IL21R: variants seen among roughly 807,000 people sequenced by gnomAD.
The protein encoded by IL21R is interleukin-21 receptor.
IL21R carries 14 observed loss-of-function variants against 41.3 expected under a neutral mutation model. The observed-to-expected ratio is 0.34, with a 90% CI of 0.22 to 0.53. IL21R has a LOEUF of 0.53. Ranked by LOEUF, IL21R falls within the 20% of genes least tolerant of loss-of-function variation. IL21R has a pLI of 0.94. For synonymous variants in IL21R, 286 were observed against 287.6 expected (o/e 0.99, Z 0.05); for missense variants, 588 against 681.6 (o/e 0.86, Z 1.53).
intron 1 of IL21R, among the ~76,000 whole-genome samples, chr16:27,410,457 A>G (rs962392321): frequency 6.6e-6 from 1 of 152,220 alleles, no homozygotes; most frequent in Non-Finnish European, 1.5e-5. Flanking sequence ...CAGAAATATA[A>G]TGAGTTTTTA....
Position 27,444,543 on chromosome 16 carries a change from G to C in IL21R, c.509G>C (p.Ser170Thr). 6.7e-7 allele frequency: 1 copy of C among 1,501,760 alleles called. No homozygotes were observed. The highest frequency in any genetic ancestry group is 8.9e-7 in the Non-Finnish European group (1 of 1,122,430). The allele number at this position is 1,501,760 out of a possible 1,614,324, so 93.0% of individuals were successfully genotyped here. ...YRNRGDPWAV[S>T]PRRKLISVDS... is the part of the protein sequence containing the mutation. ...TGCATCCTTTCCTTGTACTGGCAGA[G>C]TCCGAGGAGAAAGCTGATCTCAGTG... Residue 170 changes from serine (S) to threonine (T), a missense_variant and splice_region_variant, in exon 6 of 9, where the codon AGT becomes ACT. Ser to Thr is a moderately conservative substitution (Grantham distance 58). Transcript: ENST00000337929.
In IL21R at chr16:27,450,580, T is replaced by TTC. The variant is rs2087575796; in HGVS notation, c.*1299_*1300dup. On this transcript the variant is annotated 3_prime_UTR_variant, in exon 9 of 9. Coordinates refer to ENST00000337929, the MANE Select transcript of IL21R (RefSeq NM_181078.3). ...AATATTTCTTAGCAACATTTTCTTT[T>TTC]TCTTTTTTTTTTTTTTCTTTTGAGA... 1 of 218,224 alleles carries TTC rather than the reference T, an allele frequency of 4.6e-6. No individual in the cohort carries two copies. 13.5% of individuals were successfully genotyped at this position (218,224 alleles called of 1,614,324 possible). A position where few individuals can be genotyped will look rare whatever the true frequency, so the allele number is the denominator to read the frequency against.
intron 4 of IL21R, among the ~76,000 whole-genome samples, chr16:27,442,018 GA>G (rs1464293869): frequency 6.6e-6 from 1 of 152,122 alleles, no homozygotes; most frequent in South Asian, 2.1e-4. Context: ...TCTCTAGGGG[GA>G]AAAAACCCTT....
intron 3 of IL21R, among the ~76,000 whole-genome samples, chr16:27,436,739 T>C (rs542316872): frequency 6.6e-6 from 1 of 152,288 alleles, no homozygotes; most frequent in Admixed American, 6.5e-5. Flanking sequence ...TTCATTTAGC[T>C]CTTTTCCTGG....
chr16:27,404,005 C>T (rs1476405915), intron 1 of IL21R, among the ~76,000 whole-genome samples: 2 of 152,218 alleles, frequency 1.3e-5, no homozygotes, highest in African/African-American at 4.8e-5. Flanking sequence ...GGATGCCAGT[C>T]TGTAGGACAA....
chr16:27,445,266 C>T lies in IL21R; in HGVS notation c.775C>T (p.Pro259Ser), dbSNP rs534119618. The T allele has an allele frequency of 2.5e-6, 4 of 1,612,552 alleles. No individual in the cohort carries two copies. The highest frequency in any genetic ancestry group is 1.1e-5 in the South Asian group (1 of 90,988). Residue 259 changes from proline (P) to serine (S), a missense_variant, in exon 7 of 9, where the codon CCA (proline) becomes TCA (serine). Transcript: ENST00000337929. ...IPAFWSLKTHPLWRLWKKIWA... is the reference protein window; with the variant it reads ...IPAFWSLKTHSLWRLWKKIWA... ...TGCCTTCTGGAGCCTGAAGACCCAT[C>T]CATTGTGGAGGTGAGGCCAGGGGAT...
chr16:27,434,266 C>A, intron 2 of IL21R, 81 bp from the exon 3 acceptor site: 1 of 903,436 alleles, frequency 1.1e-6, no homozygotes, highest in Non-Finnish European at 1.8e-6. Context: ...ATTCTTCCTC[C>A]AGCCCTCGAG....
intron 3 of IL21R, among the ~76,000 whole-genome samples, chr16:27,436,594 A>G (rs898025710): frequency 6.6e-6 from 1 of 152,208 alleles, no homozygotes; most frequent in African/African-American, 2.4e-5. Flanking sequence ...AGGTAGGGAA[A>G]TTAATATCCG....
chr16:27,439,450 ACACT>A lies in IL21R; in HGVS notation c.352+1767_352+1770del, dbSNP rs527731686. On this transcript the variant is annotated intron_variant, in intron 4 of 8. Transcript: ENST00000337929. ...CTCATACATGGGCACACACACGCAC[ACACT>A]CACACATGCATTCTCACACACGTGT... Among the ~76,000 whole-genome samples the A allele has an allele frequency of 1.6e-3, 242 of 152,176 alleles. 2 individuals carry two copies. The highest frequency in any genetic ancestry group is 0.011 in the South Asian group (52 of 4,824).
At chr16:27,436,555 G>A (rs562448101) in intron 3 of IL21R, among the ~76,000 whole-genome samples, 17 of 152,342 alleles carry the variant, frequency 1.1e-4, no homozygotes, top group Non-Finnish European at 1.8e-4. Context: ...TGGGCCTAGA[G>A]AGTGGTCATG....
chr16:27,428,284 C>T (rs1405754068), intron 1 of IL21R, among the ~76,000 whole-genome samples: 2 of 152,256 alleles, frequency 1.3e-5, no homozygotes, highest in Non-Finnish European at 2.9e-5. Context: ...AGCTGGTCAT[C>T]TGAACCTTCC....
chr16:27,433,587 A>G (rs893361003), intron 2 of IL21R, among the ~76,000 whole-genome samples: 2 of 152,238 alleles, frequency 1.3e-5, no homozygotes, highest in African/African-American at 4.8e-5. Flanking sequence ...ATTTAACAAA[A>G]TGTAGATGAT....
chr16:27,443,097 G>C lies in IL21R; in HGVS notation c.488G>C (p.Arg163Pro), dbSNP rs148782015. The C allele has an allele frequency of 1.9e-6, 3 of 1,612,654 alleles. No homozygotes were observed. Among genetic ancestry groups the C allele is most frequent in the Non-Finnish European group, 2.5e-6 (3 of 1,179,402 alleles). Residue 163 changes from arginine (R) to proline (P), a missense_variant, in exon 5 of 9, where the codon CGG (arginine) becomes CCG (proline). Coordinates refer to ENST00000337929, the MANE Select transcript of IL21R (RefSeq NM_181078.3). Reference protein sequence around the residue: ...KLQYELQYRNRGDPWAVSPRR... With the variant: ...KLQYELQYRNPGDPWAVSPRR... ...CAGTATGAGCTGCAGTACAGGAACC[G>C]GGGAGACCCCTGGGCTGTGGTGAGG...
At chr16:27,445,453 C>T (rs2087460186) in intron 7 of IL21R, among the ~76,000 whole-genome samples, 177 bp downstream of exon 7, 2 of 152,238 alleles carry the variant, frequency 1.3e-5, no homozygotes, top group Admixed American at 1.3e-4. Flanking sequence ...CCTTCACCCC[C>T]ATGGCTGCCC....
chr16:27,430,828 A>G (rs1334365015), intron 2 of IL21R, among the ~76,000 whole-genome samples: 2 of 152,174 alleles, frequency 1.3e-5, no homozygotes, highest in African/African-American at 2.4e-5. Flanking sequence ...AACAGCAACA[A>G]CAACAACAAT....
intron 1 of IL21R, among the ~76,000 whole-genome samples, chr16:27,421,717 G>A (rs2087003776): frequency 6.6e-6 from 1 of 151,912 alleles, no homozygotes; most frequent in Non-Finnish European, 1.5e-5. Flanking sequence ...CTACAACTAG[G>A]CTAAATTTGT....
rs1567375954 is a variant in IL21R, at chr16:27,449,875, G to A, written c.*592G>A. On this transcript the variant is annotated 3_prime_UTR_variant, in exon 9 of 9. Coordinates refer to ENST00000337929, the MANE Select transcript of IL21R (RefSeq NM_181078.3). ...CCTCGGGAATGGCAATTTTTTGGGC[G>A]GCCCCTGGACGAAGGTCTGAATCCC... is the stretch of plus-strand genomic sequence containing the variant. 4.3e-6 allele frequency: 1 copy of A among 233,754 alleles called. No individual in the cohort carries two copies. Among genetic ancestry groups the A allele is most frequent in the Non-Finnish European group, 8.4e-6 (1 of 118,436 alleles). The allele number at this position is 233,754 out of a possible 1,614,324, so 14.5% of individuals were successfully genotyped here.
intron 3 of IL21R, among the ~76,000 whole-genome samples, chr16:27,435,592 TACAGGCATGC>T (rs1351597602): frequency 6.6e-6 from 1 of 151,914 alleles, no homozygotes; most frequent in Non-Finnish European, 1.5e-5. Context: ...TAGCTGGGAC[TACAGGCATGC>T]ATCACCATAC....
At chr16:27,427,010 T>G (rs904248607) in intron 1 of IL21R, among the ~76,000 whole-genome samples, 2 of 152,092 alleles carry the variant, frequency 1.3e-5, no homozygotes, top group Non-Finnish European at 2.9e-5. Context: ...TGGCTGTCAT[T>G]TTCAAGGAGG....
Sources: gnomAD v4.1 joint callset for allele counts (sites outside exome capture counted in the v4.1 genomes callset) on GRCh38, gnomAD v4.1.1 for gene constraint, MANE v1.5 for transcripts, NCBI Gene and HGNC (gene_info 2026-07-23, HGNC 2026-07-21) for gene names.